The following ARHGAP19 variants were observed in gnomAD, a reference collection of about 807,000 sequenced individuals.
The protein encoded by ARHGAP19 is rho GTPase-activating protein 19.
ARHGAP19 carries 48 observed loss-of-function variants against 60.9 expected under a neutral mutation model. The observed-to-expected ratio is 0.79, with a 90% CI of 0.62 to 1.00. ARHGAP19 has a LOEUF of 1.00. Among genes scored for constraint, ARHGAP19 ranks in the 50% least tolerant of loss-of-function variants. The pLI, the probability that ARHGAP19 is intolerant of heterozygous loss-of-function variation, is 0.00. For synonymous variants in ARHGAP19, 209 were observed against 215.5 expected (o/e 0.97, Z 0.27); for missense variants, 562 against 597.2 (o/e 0.94, Z 0.61).
In ARHGAP19 at chr10:97,266,077, A is replaced by G. The variant is rs1477203682; in HGVS notation, c.105T>C (p.Gly35=). The change falls in exon 2 of 12, where the codon GGT becomes GGC. Residue 35 remains glycine (G), a synonymous_variant. Coordinates refer to ENST00000358531, the MANE Select transcript of ARHGAP19 (RefSeq NM_032900.6). ...FVICNDSSLR[G]QPIIFNPDFF... Reference sequence around the variant, plus strand: ...AGTCAGGATTAAAGATAATGGGCTGACCTCGAAGGGAAGAATCATTGCAGA... The same window carrying G: ...AGTCAGGATTAAAGATAATGGGCTGGCCTCGAAGGGAAGAATCATTGCAGA... 1.2e-5 allele frequency: 19 copies of G among 1,614,162 alleles called. No individual in the cohort carries two copies. Among genetic ancestry groups the G allele is most frequent in the Non-Finnish European group, 1.6e-5 (19 of 1,180,040 alleles).
At chr10:97,244,686 ACCACACT>A (rs1842537593) in intron 7 of ARHGAP19, among the ~76,000 whole-genome samples, 1 of 152,158 alleles carries the variant, frequency 6.6e-6, no homozygotes, top group Admixed American at 6.6e-5. Context: ...TCTAACAAAA[ACCACACT>A]CCAGTTAAAC....
At chr10:97,259,262 G>A (rs1468257140) in intron 5 of ARHGAP19, 140 bp downstream of exon 5, 2 of 680,964 alleles carry the variant, frequency 2.9e-6, no homozygotes, top group Non-Finnish European at 5.1e-6. Context: ...ACTCTTCAAT[G>A]AACTAATAAA....
At chr10:97,240,371 G>A (rs1435559263) in intron 8 of ARHGAP19, among the ~76,000 whole-genome samples, 3 of 152,178 alleles carry the variant, frequency 2.0e-5, no homozygotes, top group Non-Finnish European at 4.4e-5. Flanking sequence ...AACATTTAAG[G>A]TTGGGCATGG....
At chr10:97,229,298 GAATT>G in intron 10 of ARHGAP19, 73 bp from the exon 11 acceptor site, 2 of 1,205,564 alleles carry the variant, frequency 1.7e-6, no homozygotes, top group Non-Finnish European at 2.5e-6. Flanking sequence ...ACTAACAAAT[GAATT>G]ATTTGTTCAA....
At position 97,246,298 on chromosome 10, in the gene ARHGAP19, AAT is replaced by A. The variant is rs1842562297; in HGVS notation, c.965_966del (p.Tyr322PhefsTer11). ...TTTGATGCCTGAGTTCTGGATCCCAAATAGTGCAATCTCGCACACTCCCGAAT... is the reference window on the plus strand; with the variant it reads ...TTTGATGCCTGAGTTCTGGATCCCAAAGTGCAATCTCGCACACTCCCGAAT... ...AYIRECARLHYLGSRTQASKD... is the reference protein window; with the variant it reads ...AYIRECARLHXLGSRTQASKD... On this transcript the variant is annotated frameshift_variant, in exon 7 of 12. Transcript: ENST00000358531. LOFTEE classifies it high-confidence loss of function. 6.2e-7 allele frequency: 1 copy of A among 1,613,950 alleles called. No individual in the cohort carries two copies. Among genetic ancestry groups the A allele is most frequent in the Non-Finnish European group, 8.5e-7 (1 of 1,179,954 alleles).
intron 9 of ARHGAP19, among the ~76,000 whole-genome samples, chr10:97,233,576 A>C (rs1311073352): frequency 1.3e-5 from 2 of 152,198 alleles, no homozygotes; most frequent in Non-Finnish European, 2.9e-5. Context: ...CTCACTTGTG[A>C]GTAGGAGCTG....
At chr10:97,267,114 A>C (rs892157080) in intron 1 of ARHGAP19, among the ~76,000 whole-genome samples, 2 of 152,250 alleles carry the variant, frequency 1.3e-5, no homozygotes, top group Admixed American at 1.3e-4. Context: ...AAAGCAAGTT[A>C]GTTACTTCCT....
chr10:97,260,867 G>A (rs1428042750), intron 4 of ARHGAP19, among the ~76,000 whole-genome samples: 1 of 150,866 alleles, frequency 6.6e-6, no homozygotes, highest in Non-Finnish European at 1.5e-5. Flanking sequence ...GGCAAGGTGG[G>A]CAGATCACTT....
intron 8 of ARHGAP19, among the ~76,000 whole-genome samples, chr10:97,239,551 G>GGTGTGTGTGTGTGTGT (rs201308961): frequency 4.9e-5 from 1 of 20,218 alleles, no homozygotes; most frequent in African/African-American, 7.0e-5. Flanking sequence ...AGAGAGAGAG[G>GGTGTGTGTGTGTGTGT]GTGTGTGTGT....
rs749732728 is a variant in ARHGAP19 at position 97,265,925 on chromosome 10, T to C, written c.257A>G (p.Lys86Arg). ...TGCTGGGCCAGCCCCGCCAGGCAAC[T>C]TAAGGTCCACTTCCCCCATCAGCTG... ...LAQLMGEVDL[K>R]LPGGAGPASG... The change falls in exon 2 of 12, where the codon AAG becomes AGG. Residue 86 changes from lysine to arginine, a missense_variant. Coordinates refer to ENST00000358531, the MANE Select transcript of ARHGAP19 (RefSeq NM_032900.6). The C allele has an allele frequency of 3.7e-6, 6 of 1,614,000 alleles. No individual in the cohort carries two copies. In the African/African-American group the frequency reaches 8.0e-5, roughly 22 times the overall value.
intron 1 of ARHGAP19, among the ~76,000 whole-genome samples, chr10:97,279,031 C>T (rs1843052183): frequency 6.6e-6 from 1 of 152,174 alleles, no homozygotes; most frequent in East Asian, 1.9e-4. Flanking sequence ...TCTCTTACTG[C>T]TTTTTCAACT....
At chr10:97,266,148 T>C (rs761871542) in intron 1 of ARHGAP19, 23 bp from the exon 2 acceptor site, 4 of 1,610,588 alleles carry the variant, frequency 2.5e-6, no homozygotes, top group Non-Finnish European at 3.4e-6. Flanking sequence ...GAAGAAAATC[T>C]TTCGGGACAT....
intron 4 of ARHGAP19, among the ~76,000 whole-genome samples, chr10:97,261,097 T>C (rs1407088681): frequency 1.3e-5 from 2 of 152,130 alleles, no homozygotes; most frequent in Non-Finnish European, 2.9e-5. Context: ...CAGCTCCCAA[T>C]AGGGTCAGAA....
rs1842891503 is a variant in ARHGAP19 at position 97,265,859 on chromosome 10, C to T, written c.322+1G>A. The T allele has an allele frequency of 6.2e-7, 1 of 1,613,956 alleles. No homozygotes were observed. The highest frequency in any genetic ancestry group is 8.5e-7 in the Non-Finnish European group (1 of 1,179,990). The stretch of plus-strand genomic sequence containing the variant: ...CCACCCTTCACAAACACATCTCCTA[C>T]CCTTTCGCTTGAGAGACATGAGAGA... On this transcript the variant is annotated splice_donor_variant, in intron 2 of 11. Coordinates refer to ENST00000358531, the MANE Select transcript of ARHGAP19 (RefSeq NM_032900.6). LOFTEE classifies it high-confidence loss of function.
chr10:97,277,955 C>A (rs1287942399), intron 1 of ARHGAP19: 1 of 152,236 alleles, frequency 6.6e-6, no homozygotes, highest in Non-Finnish European at 1.5e-5. Flanking sequence ...GTTAAAACCA[C>A]AAGTCTGCCT....
At chr10:97,244,534 G>C (rs562395663) in intron 7 of ARHGAP19, among the ~76,000 whole-genome samples, 1 of 152,294 alleles carries the variant, frequency 6.6e-6, no homozygotes, top group African/African-American at 2.4e-5. Context: ...AGGTTAAACT[G>C]TAAGTTTAAA....
In ARHGAP19 at chr10:97,229,873, C is replaced by A. The variant is rs368334954; in HGVS notation, c.1286G>T (p.Arg429Leu). Residue 429 changes from arginine to leucine, a missense_variant and splice_region_variant, in exon 10 of 12, where the codon CGG becomes CTG. Transcript: ENST00000358531. ...CATCATCTGATTTCCCAGGACCTTCCGCTGATTTAAGAACAGAAAACATTT... is the reference window on the plus strand; with the variant it reads ...CATCATCTGATTTCCCAGGACCTTCAGCTGATTTAAGAACAGAAAACATTT... ...RSRSFSGLIK[R>L]KVLGNQMMSE... 15 of 1,597,340 alleles carry A rather than the reference C, an allele frequency of 9.4e-6. No homozygotes were observed. Among genetic ancestry groups the A allele is most frequent in the Middle Eastern group, 1.7e-4 (1 of 6,008 alleles).
chr10:97,291,594 C>T (rs531317946), intron 1 of ARHGAP19, among the ~76,000 whole-genome samples: 48 of 152,208 alleles, frequency 3.2e-4, no homozygotes, highest in African/African-American at 1.2e-3. Context: ...ATGCCCGGCC[C>T]CGTATGATAT....
At position 97,225,902 on chromosome 10, in the gene ARHGAP19, A is replaced by G. The variant is rs1589439904; in HGVS notation, c.*220T>C. The G allele has an allele frequency of 3.6e-6, 2 of 558,756 alleles. No homozygotes were observed. The highest frequency in any genetic ancestry group is 5.8e-5 in the East Asian group (2 of 34,408). 34.6% of individuals were successfully genotyped at this position (558,756 alleles called of 1,614,324 possible). On this transcript the variant is annotated 3_prime_UTR_variant, in exon 12 of 12. Transcript: ENST00000358531. ...TAGTGGTTTCCCCATAATATTAAAAAAGAGAGACAGGGCCTAAGCACTCTC... is the reference window on the plus strand; with the variant it reads ...TAGTGGTTTCCCCATAATATTAAAAGAGAGAGACAGGGCCTAAGCACTCTC...
Sources: gnomAD v4.1 joint callset for allele counts (sites outside exome capture counted in the v4.1 genomes callset) on GRCh38, gnomAD v4.1.1 for gene constraint, MANE v1.5 for transcripts, NCBI Gene and HGNC (gene_info 2026-07-23, HGNC 2026-07-21) for gene names.